The following RPA1 variants were observed in gnomAD, a reference collection of about 807,000 sequenced individuals.
The protein encoded by RPA1 is replication protein A1, also known as replication protein A 70 kDa DNA-binding subunit.
A neutral mutation model predicts 83.0 loss-of-function variants in RPA1; 49 were observed. That is an observed-to-expected ratio of 0.59 (90% CI 0.47 to 0.75). The LOEUF (loss-of-function observed/expected upper bound fraction) is 0.75. Among genes scored for constraint, RPA1 ranks in the 30% least tolerant of loss-of-function variants. RPA1 has a pLI of 0.00. For missense variants in RPA1, 693 were observed against 776.1 expected (o/e 0.89, Z 1.27); for synonymous variants, 279 against 281.8 (o/e 0.99, Z 0.10).
intron 4 of RPA1, among the ~76,000 whole-genome samples, chr17:1,851,786 A>C (rs1033530144): frequency 6.6e-6 from 1 of 152,182 alleles, no homozygotes; most frequent in Non-Finnish European, 1.5e-5. Flanking sequence ...GAATCTAGAT[A>C]CCATTTTCAG....
At chr17:1,838,820 T>C (rs533257918) in intron 1 of RPA1, among the ~76,000 whole-genome samples, 1 of 152,256 alleles carries the variant, frequency 6.6e-6, no homozygotes, top group African/African-American at 2.4e-5. Flanking sequence ...CCCATTTCAT[T>C]GAGTTACTTA....
intron 1 of RPA1, among the ~76,000 whole-genome samples, chr17:1,831,600 C>CTTT (rs397856863): frequency 1.4e-5 from 2 of 140,614 alleles, no homozygotes; most frequent in Non-Finnish European, 3.1e-5. Flanking sequence ...GGCCTTTGAA[C>CTTT]TTTTTTTTTT....
chr17:1,891,442 A>T (rs1043401338), intron 14 of RPA1, among the ~76,000 whole-genome samples: 4 of 151,688 alleles, frequency 2.6e-5, no homozygotes, highest in African/African-American at 9.7e-5. Context: ...AACTAATCTG[A>T]TGGGCCTCTC....
chr17:1,846,812 G>A (rs886553094), intron 4 of RPA1, among the ~76,000 whole-genome samples: 3 of 151,994 alleles, frequency 2.0e-5, no homozygotes, highest in African/African-American at 7.3e-5. Flanking sequence ...TTTTTCTGAT[G>A]GATGCATTGG....
intron 16 of RPA1, among the ~76,000 whole-genome samples, chr17:1,896,316 C>A (rs1339613095): frequency 6.6e-6 from 1 of 152,214 alleles, no homozygotes; most frequent in Non-Finnish European, 1.5e-5. Context: ...GCCTGTGCAG[C>A]CTTCCTGGGT....
At chr17:1,866,943 G>C (rs186088302) in intron 5 of RPA1, among the ~76,000 whole-genome samples, 1 of 152,152 alleles carries the variant, frequency 6.6e-6, no homozygotes, top group Non-Finnish European at 1.5e-5. Context: ...CTGTGTGCAC[G>C]TGCATGTATG....
chr17:1,872,557 A>T, intron 6 of RPA1, 31 bp downstream of exon 6: 1 of 1,609,294 alleles, frequency 6.2e-7, no homozygotes, highest in Non-Finnish European at 8.5e-7. Context: ...TGCGCTGACC[A>T]GGGGTGTCAG....
intron 6 of RPA1, 101 bp from the exon 7 acceptor site, chr17:1,875,560 C>T (rs1913541348): frequency 1.6e-6 from 2 of 1,275,140 alleles, no homozygotes; most frequent in Admixed American, 2.5e-5. Flanking sequence ...TATATGATTT[C>T]ACTAGTGGCA....
rs1167485030 is a variant in RPA1, at chr17:1,884,948, G to T, written c.1374+1004G>T. On this transcript the variant is annotated intron_variant, in intron 13 of 16. Coordinates refer to ENST00000254719, the MANE Select transcript of RPA1 (RefSeq NM_002945.5). The surrounding 1 kb of genome is among the most constrained non-coding windows in gnomAD (Gnocchi z 4.1). ...TGGCTGAGCAGTCACGGCGATGGTTGCTGAACATCGGCGTGTCTTTGGCAG... is the reference window on the plus strand; with the variant it reads ...TGGCTGAGCAGTCACGGCGATGGTTTCTGAACATCGGCGTGTCTTTGGCAG... Among the ~76,000 whole-genome samples the T allele has an allele frequency of 2.0e-5, 3 of 152,236 alleles. No homozygotes were observed. The highest frequency in any genetic ancestry group is 4.4e-5 in the Non-Finnish European group (3 of 68,046).
chr17:1,866,764 G>A (rs968065561), intron 5 of RPA1, among the ~76,000 whole-genome samples: 14 of 152,224 alleles, frequency 9.2e-5, no homozygotes, highest in South Asian at 2.1e-4. Flanking sequence ...CCCGGCCACC[G>A]TTTTAGTTTT....
chr17:1,860,706 G>A (rs926120597), intron 5 of RPA1, among the ~76,000 whole-genome samples: 3 of 152,240 alleles, frequency 2.0e-5, no homozygotes, highest in East Asian at 1.9e-4. Flanking sequence ...ATTTGTTTCC[G>A]TCAGTTGATC....
At chr17:1,844,282 A>T (rs1912173907) in intron 3 of RPA1, among the ~76,000 whole-genome samples, 1 of 152,198 alleles carries the variant, frequency 6.6e-6, no homozygotes, top group South Asian at 2.1e-4. Flanking sequence ...GCGAGGGGTC[A>T]GCTGCCCTAT....
intron 1 of RPA1, among the ~76,000 whole-genome samples, chr17:1,831,109 CACAAATTTCTTTGT>C (rs1911552821): frequency 6.6e-6 from 1 of 152,122 alleles, no homozygotes; most frequent in African/African-American, 2.4e-5. Flanking sequence ...GTCAGTTGCT[CACAAATTTCTTTGT>C]ACAGAGCCAC....
At chr17:1,879,787 A>G in intron 11 of RPA1, 88 bp downstream of exon 11, 3 of 1,522,364 alleles carry the variant, frequency 2.0e-6, no homozygotes, top group Non-Finnish European at 2.7e-6. Flanking sequence ...CCTTCAGCAC[A>G]CACAGGAGGA....
intron 6 of RPA1, among the ~76,000 whole-genome samples, chr17:1,874,028 T>TACAC (rs1270241119): frequency 0.016 from 1,626 of 102,456 alleles, 17 homozygotes; most frequent in Middle Eastern, 0.026. Context: ...TATATATATA[T>TACAC]ATATACACAC....
At chr17:1,888,580 C>T in intron 13 of RPA1, 95 bp from the exon 14 acceptor site, 1 of 1,212,884 alleles carries the variant, frequency 8.2e-7, no homozygotes, top group Non-Finnish European at 1.2e-6. Flanking sequence ...GAAACACTTA[C>T]CACCTAAACG....
chr17:1,883,707 G>A (rs1480066517), intron 12 of RPA1, 105 bp from the exon 13 acceptor site: 29 of 1,446,752 alleles, frequency 2.0e-5, no homozygotes, highest in African/African-American at 1.3e-4. Context: ...AAAGCTGGGC[G>A]GGTGGTGGGA....
rs17291766 is a variant in RPA1, at chr17:1,831,281, T to G, written c.33+1155T>G. 1.1e-4 allele frequency among the ~76,000 whole-genome samples: 16 copies of G among 152,354 alleles called. No homozygotes were observed. In the South Asian group the frequency reaches 3.1e-3, roughly 30 times the overall value. On this transcript the variant is annotated intron_variant, in intron 1 of 16. Coordinates refer to ENST00000254719, the MANE Select transcript of RPA1 (RefSeq NM_002945.5). ...CCTATCTCCACGGATGGCACCATTA[T>G]CTATTCAGTTCAGTGCTAACCAGAA... is the stretch of plus-strand genomic sequence containing the variant.
At chr17:1,864,043 C>G (rs1300445726) in intron 5 of RPA1, among the ~76,000 whole-genome samples, 1 of 152,238 alleles carries the variant, frequency 6.6e-6, no homozygotes, top group Non-Finnish European at 1.5e-5. Context: ...CATCAAGAAG[C>G]TGGAAGATGT....
Sources: gnomAD v4.1 joint callset for allele counts (sites outside exome capture counted in the v4.1 genomes callset) on GRCh38, gnomAD v4.1.1 for gene constraint, Gnocchi (gnomAD v3.1) non-coding constraint, MANE v1.5 for transcripts, NCBI Gene and HGNC (gene_info 2026-07-23, HGNC 2026-07-21) for gene names.